TNRC18: variants seen among roughly 807,000 people sequenced by gnomAD.
TNRC18 encodes trinucleotide repeat containing 18, also known as trinucleotide repeat-containing gene 18 protein.
A neutral mutation model predicts 226.7 loss-of-function variants in TNRC18; 69 were observed. The ratio of observed to expected loss-of-function variants is 0.30; its 90% CI spans 0.25 to 0.37. The LOEUF (loss-of-function observed/expected upper bound fraction) is 0.37. Ranked by LOEUF, TNRC18 falls within the 10% of genes least tolerant of loss-of-function variation. TNRC18 has a pLI of 1.00. For missense variants in TNRC18, 4,754 were observed against 4,256.6 expected, an observed-to-expected ratio of 1.12 and a Z score of -3.25; for synonymous variants, 2,449 against 1,927.6, an observed-to-expected ratio of 1.27 and a Z score of -7.09.
rs1227790896 is a variant in TNRC18 at position 5,307,612 on chromosome 7, G to A, written c.*494C>T. The A allele has an allele frequency of 2.3e-6, 1 of 442,770 alleles. No individual in the cohort carries two copies. 27.4% of individuals were successfully genotyped at this position (442,770 alleles called of 1,614,324 possible). ...CCTGGCACAGTCAGGTAGGCCAGCT[G>A]GCATCGGGCTGCCCTGTCCCATGCA... On this transcript the variant is annotated 3_prime_UTR_variant, in exon 30 of 30. Coordinates refer to ENST00000430969, the MANE Select transcript of TNRC18 (RefSeq NM_001080495.3).
At chr7:5,366,473 G>A (rs1023912639) in intron 11 of TNRC18, among the ~76,000 whole-genome samples, 5 of 151,850 alleles carry the variant, frequency 3.3e-5, no homozygotes, top group Non-Finnish European at 7.4e-5. Flanking sequence ...ACAGGTATGT[G>A]TCACCACACC....
chr7:5,311,624 A>T (rs1455299871), intron 27 of TNRC18, among the ~76,000 whole-genome samples: 1 of 152,088 alleles, frequency 6.6e-6, no homozygotes, highest in Non-Finnish European at 1.5e-5. Flanking sequence ...GACCAGCCCA[A>T]GCAACACAGT....
At chr7:5,400,764 C>A (rs12667469) in intron 2 of TNRC18, among the ~76,000 whole-genome samples, 1 of 151,878 alleles carries the variant, frequency 6.6e-6, no homozygotes, top group Admixed American at 6.6e-5. Flanking sequence ...TGTAGCCTGG[C>A]GTGGTGGCTC....
intron 2 of TNRC18, among the ~76,000 whole-genome samples, chr7:5,403,691 T>C (rs113938215): frequency 0.011 from 1,638 of 151,348 alleles, 38 homozygotes; most frequent in African/African-American, 0.037. Flanking sequence ...ACGTGGGAGG[T>C]TGAAGGCACG....
At chr7:5,398,020 G>A (rs1169367365) in intron 2 of TNRC18, among the ~76,000 whole-genome samples, 1 of 152,002 alleles carries the variant, frequency 6.6e-6, no homozygotes, top group Non-Finnish European at 1.5e-5. Context: ...TTAGAGACAG[G>A]GTCTCACTCT....
intron 11 of TNRC18, among the ~76,000 whole-genome samples, chr7:5,363,248 A>C (rs1793255277): frequency 6.6e-6 from 1 of 151,828 alleles, no homozygotes; most frequent in Non-Finnish European, 1.5e-5. Context: ...GGTTGCAGTG[A>C]GCTGAGTTTG....
At chr7:5,345,517 G>GGGGGGGGGGGGCCCCCCCCCCCCCCCC in intron 18 of TNRC18, 45 bp downstream of exon 18, 4 of 377,742 alleles carry the variant, frequency 1.1e-5, no homozygotes, top group Non-Finnish European at 1.4e-5. Context: ...AATGGCGTCC[G>GGGGGGGGGGGGCCCCCCCCCCCCCCCC]CCCCTCCCAC....
At chr7:5,381,441 G>C (rs1013338159) in intron 5 of TNRC18, among the ~76,000 whole-genome samples, 1 of 152,008 alleles carries the variant, frequency 6.6e-6, no homozygotes, top group African/African-American at 2.4e-5. Context: ...CACCATCAGA[G>C]CTCAGCTTCA....
At chr7:5,325,297 C>A (rs1788784768) in intron 19 of TNRC18, 49 bp from the exon 20 acceptor site, 2 of 1,534,720 alleles carry the variant, frequency 1.3e-6, no homozygotes, top group Admixed American at 2.0e-5. Flanking sequence ...AGGGAAAGCA[C>A]AGGCAGCACC....
chr7:5,319,463 A>T (rs1223637063), intron 24 of TNRC18, among the ~76,000 whole-genome samples: 1 of 152,028 alleles, frequency 6.6e-6, no homozygotes, highest in Non-Finnish European at 1.5e-5. Context: ...TGATATCCAC[A>T]CCTACATTTC....
intron 17 of TNRC18, among the ~76,000 whole-genome samples, chr7:5,348,691 G>C (rs1408542357): frequency 6.6e-6 from 1 of 152,052 alleles, no homozygotes; most frequent in Non-Finnish European, 1.5e-5. Flanking sequence ...GAGGGAGAGG[G>C]AGGAGGTTTG....
chr7:5,328,270 C>T (rs1789141376), intron 19 of TNRC18, among the ~76,000 whole-genome samples: 2 of 152,146 alleles, frequency 1.3e-5, no homozygotes, highest in African/African-American at 4.8e-5. Flanking sequence ...CGCCTGTAAT[C>T]CCAACGCTTC....
chr7:5,341,431 A>C (rs1790676516), intron 18 of TNRC18, among the ~76,000 whole-genome samples: 1 of 150,284 alleles, frequency 6.7e-6, no homozygotes, highest in Admixed American at 6.7e-5. Context: ...AAAAAAAAAA[A>C]AAAAAAAGAT....
intron 10 of TNRC18, among the ~76,000 whole-genome samples, chr7:5,373,671 G>C (rs986314369): frequency 6.6e-6 from 1 of 152,188 alleles, no homozygotes; most frequent in African/African-American, 2.4e-5. Context: ...GCGGGTGTGT[G>C]CATGGGACCC....
At chr7:5,359,600 C>T in intron 14 of TNRC18, 31 bp from the exon 15 acceptor site, 1 of 1,611,968 alleles carries the variant, frequency 6.2e-7, no homozygotes, top group Non-Finnish European at 8.5e-7. Context: ...CGGTCAGCAC[C>T]CTGGCCAGAC....
At chr7:5,407,803 T>TC (rs1781577389) in intron 2 of TNRC18, among the ~76,000 whole-genome samples, 2 of 152,130 alleles carry the variant, frequency 1.3e-5, no homozygotes, top group South Asian at 2.1e-4. Flanking sequence ...GTGACTGGTT[T>TC]CCCCCCTACC....
Position 5,362,727 on chromosome 7 carries a change from G to A in TNRC18, c.4318C>T (p.Pro1440Ser), listed in dbSNP as rs575271614. 1.8e-4 allele frequency: 280 copies of A among 1,575,108 alleles called. No individual in the cohort carries two copies. The highest frequency in any genetic ancestry group is 2.3e-4 in the Non-Finnish European group (269 of 1,161,140). The stretch of plus-strand genomic sequence containing the variant: ...CGCGGGAGCCGCAGGTTCTTGAGTG[G>A]GTCCACCACGGGCCCATCCAGCACC... ...REVLDGPVVD[P>S]LKNLRLPREL... Residue 1440 changes from proline (P) to serine (S), a missense_variant, in exon 12 of 30, where the codon CCA (proline) becomes TCA (serine). Coordinates refer to ENST00000430969, the MANE Select transcript of TNRC18 (RefSeq NM_001080495.3).
At chr7:5,411,215 C>CAAAAAAA (rs35392221) in intron 2 of TNRC18, among the ~76,000 whole-genome samples, 59 of 75,276 alleles carry the variant, frequency 7.8e-4, no homozygotes, top group African/African-American at 9.0e-4. Context: ...GACTCCATCT[C>CAAAAAAA]AAAAAAAAAA....
In TNRC18 at chr7:5,324,878, C is replaced by T. The variant is rs531494350; in HGVS notation, c.6300+218G>A. Among the ~76,000 whole-genome samples, 13 of 152,320 alleles carry T rather than the reference C, an allele frequency of 8.5e-5. No homozygotes were observed. Among genetic ancestry groups the T allele is most frequent in the East Asian group, 5.8e-4 (3 of 5,188 alleles). On this transcript the variant is annotated intron_variant, in intron 20 of 29. Transcript: ENST00000430969. This position sits in a 1 kb window ranked among gnomAD's most constrained non-coding sequence, Gnocchi z 4.8. ...TCTCTGTTCCAGTGTCCCTCGCCCC[C>T]GCTAGAGCAGACATTTCCTGAGGAC...
Sources: gnomAD v4.1 joint callset for allele counts (sites outside exome capture counted in the v4.1 genomes callset) on GRCh38, gnomAD v4.1.1 for gene constraint, Gnocchi (gnomAD v3.1) non-coding constraint, MANE v1.5 for transcripts, NCBI Gene and HGNC (gene_info 2026-07-23, HGNC 2026-07-21) for gene names.